SHISA9: variants seen among roughly 807,000 people sequenced by gnomAD.
The protein encoded by SHISA9 is protein shisa-9.
SHISA9 carries 13 observed loss-of-function variants against 38.0 expected under a neutral mutation model. That is an observed-to-expected ratio of 0.34 (90% CI 0.22 to 0.54). The LOEUF is 0.54. Ranked by LOEUF, SHISA9 falls within the 20% of genes least tolerant of loss-of-function variation. The pLI is 0.91. For synonymous variants in SHISA9, 275 were observed against 242.0 expected, an observed-to-expected ratio of 1.14 and a Z score of -1.27; for missense variants, 538 against 575.8, an observed-to-expected ratio of 0.93 and a Z score of 0.67.
At chr16:13,512,679 G>C in the SHISA9 span, among the ~76,000 whole-genome samples, 1 of 152,146 alleles carries the variant, frequency 6.6e-6, no homozygotes, top group Non-Finnish European at 1.5e-5. Context: ...CAGTGGAACA[G>C]AACAGAGACC....
intron 2 of SHISA9, among the ~76,000 whole-genome samples, chr16:12,945,337 C>A (rs556907841): frequency 3.3e-5 from 5 of 152,188 alleles, no homozygotes; most frequent in Admixed American, 1.3e-4. Flanking sequence ...CTCTGAATGC[C>A]AATAGACATG....
At chr16:13,400,272 A>G in the SHISA9 span, among the ~76,000 whole-genome samples, 1 of 152,218 alleles carries the variant, frequency 6.6e-6, no homozygotes, top group Admixed American at 6.5e-5. Context: ...GACCCAGAAA[A>G]TGAAGGCCCA....
At chr16:12,936,885 G>A (rs971891790) in intron 2 of SHISA9, among the ~76,000 whole-genome samples, 5 of 152,092 alleles carry the variant, frequency 3.3e-5, no homozygotes, top group African/African-American at 7.2e-5. Context: ...TGAGGTAAAC[G>A]GAATCCAACC....
downstream of SHISA9, among the ~76,000 whole-genome samples, chr16:13,243,978 G>C (rs1179716660): frequency 6.6e-6 from 1 of 151,934 alleles, no homozygotes; most frequent in African/African-American, 2.4e-5. Context: ...TCACCATGTT[G>C]GCCAGGATGG....
In SHISA9 at chr16:13,019,861, TC is replaced by T. The variant is rs1567183950; in HGVS notation, c.691+103049del. Among the ~76,000 whole-genome samples, 43 of 28,236 alleles carry T rather than the reference TC, an allele frequency of 1.5e-3. 1 individual carries two copies. Among genetic ancestry groups the T allele is most frequent in the African/African-American group, 6.0e-3 (38 of 6,364 alleles). The allele number at this position is 28,236 out of a possible 152,430, so 18.5% of individuals were successfully genotyped here. On this transcript the variant is annotated intron_variant, in intron 2 of 4. Coordinates refer to ENST00000558583, the MANE Select transcript of SHISA9 (RefSeq NM_001145204.3). The stretch of plus-strand genomic sequence containing the variant: ...TTCCTTCCTTCCCTCCCTCCCTCCC[TC>T]CCTCCCTCCCTCCCTCCCTCCCTTC...
chr16:13,460,141 A>G, the SHISA9 span, among the ~76,000 whole-genome samples: 3 of 152,112 alleles, frequency 2.0e-5, no homozygotes, highest in East Asian at 5.8e-4. Flanking sequence ...TTGAGTGTCT[A>G]CTGCATACCC....
chr16:13,470,611 A>T, the SHISA9 span, among the ~76,000 whole-genome samples: 2 of 152,180 alleles, frequency 1.3e-5, no homozygotes, highest in African/African-American at 4.8e-5. Context: ...TGCTGCCGTG[A>T]TTCAATTATC....
At chr16:13,523,236 G>A in the SHISA9 span, among the ~76,000 whole-genome samples, 1 of 152,152 alleles carries the variant, frequency 6.6e-6, no homozygotes, top group African/African-American at 2.4e-5. Context: ...TGTAGTCCCA[G>A]CTATTCAGGA....
chr16:12,955,318 G>A (rs1324793198), intron 2 of SHISA9, among the ~76,000 whole-genome samples: 1 of 151,956 alleles, frequency 6.6e-6, no homozygotes. Flanking sequence ...TCCAACCAAT[G>A]GCCTCCTCTC....
At chr16:12,922,196 C>G (rs1298412992) in intron 2 of SHISA9, among the ~76,000 whole-genome samples, 1 of 152,222 alleles carries the variant, frequency 6.6e-6, no homozygotes, top group African/African-American at 2.4e-5. Flanking sequence ...ATGGAAATAT[C>G]CATTGGCATT....
the SHISA9 span, among the ~76,000 whole-genome samples, chr16:13,359,689 G>T: frequency 6.6e-6 from 1 of 152,170 alleles, no homozygotes; most frequent in South Asian, 2.1e-4. Flanking sequence ...TACATTTAAG[G>T]ATTTTTGTAA....
intron 2 of SHISA9, among the ~76,000 whole-genome samples, chr16:13,057,270 G>C (rs1433755514): frequency 6.6e-6 from 1 of 152,212 alleles, no homozygotes; most frequent in Admixed American, 6.5e-5. Context: ...GCCCTGGATG[G>C]ATGGGATGGG....
the SHISA9 span, among the ~76,000 whole-genome samples, chr16:13,355,999 T>C: frequency 6.6e-6 from 1 of 152,174 alleles, no homozygotes; most frequent in Non-Finnish European, 1.5e-5. Context: ...CGGGCATTCC[T>C]TGGCCCAGTG....
At chr16:13,297,111 G>C in the SHISA9 span, among the ~76,000 whole-genome samples, 1 of 151,852 alleles carries the variant, frequency 6.6e-6, no homozygotes, top group Non-Finnish European at 1.5e-5. Flanking sequence ...GCATCCCTAT[G>C]GTATTAGAAA....
the SHISA9 span, among the ~76,000 whole-genome samples, chr16:13,459,077 C>A: frequency 6.6e-6 from 1 of 152,066 alleles, no homozygotes; most frequent in African/African-American, 2.4e-5. Context: ...TGGTCTCGAA[C>A]TGCTGACCTC....
chr16:12,915,354 G>A (rs536529502), intron 1 of SHISA9, among the ~76,000 whole-genome samples: 1 of 152,310 alleles, frequency 6.6e-6, no homozygotes, highest in South Asian at 2.1e-4. Context: ...TGTGGTCCCA[G>A]CTATTCAGGA....
At chr16:13,262,600 G>C in the SHISA9 span, among the ~76,000 whole-genome samples, 3 of 142,264 alleles carry the variant, frequency 2.1e-5, no homozygotes, top group Admixed American at 1.5e-4. Flanking sequence ...ATTCTGGCCC[G>C]GTGAGTAAGT....
chr16:13,192,642 G>C (rs184864352), intron 2 of SHISA9, among the ~76,000 whole-genome samples: 1 of 152,090 alleles, frequency 6.6e-6, no homozygotes, highest in Non-Finnish European at 1.5e-5. Flanking sequence ...GAAACAGGCC[G>C]AGGCGGGTGG....
intron 2 of SHISA9, among the ~76,000 whole-genome samples, chr16:12,948,360 A>C (rs879404441): frequency 1.1e-4 from 16 of 152,192 alleles, no homozygotes; most frequent in Admixed American, 1.0e-3. Flanking sequence ...CCCTGGAAAA[A>C]CTGGAAAATA....
Sources: gnomAD v4.1 joint callset for allele counts (sites outside exome capture counted in the v4.1 genomes callset) on GRCh38, gnomAD v4.1.1 for gene constraint, MANE v1.5 for transcripts, NCBI Gene and HGNC (gene_info 2026-07-23, HGNC 2026-07-21) for gene names.